CALCR: variants seen among roughly 807,000 people sequenced by gnomAD.
CALCR encodes calcitonin receptor.
A neutral mutation model predicts 59.5 loss-of-function variants in CALCR; 47 were observed. The observed-to-expected ratio is 0.79, with a 90% CI of 0.63 to 1.01. CALCR has a LOEUF of 1.01. Among genes scored for constraint, CALCR ranks in the 50% least tolerant of loss-of-function variants. CALCR has a pLI of 0.00. For missense variants in CALCR, 566 were observed against 597.1 expected (o/e 0.95, Z 0.54); for synonymous variants, 213 against 211.3 (o/e 1.01, Z -0.07).
chr7:93,542,943 T>C (rs1220389886), intron 2 of CALCR, among the ~76,000 whole-genome samples: 1 of 145,590 alleles, frequency 6.9e-6, no homozygotes, highest in Non-Finnish European at 1.5e-5. Context: ...CTGCCTGAGA[T>C]GGTTTTGCAG....
intron 2 of CALCR, among the ~76,000 whole-genome samples, chr7:93,509,997 A>G (rs538705289): frequency 1.3e-5 from 2 of 149,274 alleles, no homozygotes; most frequent in East Asian, 4.3e-4. Flanking sequence ...TTTAGAAGGG[A>G]TTTTTCAGAG....
chr7:93,483,472 GATAT>G (rs2115911861), intron 3 of CALCR, among the ~76,000 whole-genome samples: 1 of 147,984 alleles, frequency 6.8e-6, no homozygotes, highest in South Asian at 2.2e-4. Flanking sequence ...CAGATAGATA[GATAT>G]AAACATATAA....
At chr7:93,517,317 A>ACTTTTTTTTTTTT (rs1191258842) in intron 2 of CALCR, among the ~76,000 whole-genome samples, 2 of 127,812 alleles carry the variant, frequency 1.6e-5, no homozygotes, top group African/African-American at 4.0e-5. Flanking sequence ...TTTTTTTTTA[A>ACTTTTTTTTTTTT]TTTGCTAGCC....
At position 93,462,173 on chromosome 7, in the gene CALCR, T is replaced by C. The variant is rs3802052; in HGVS notation, c.522-1226A>G. ...TTAGAGCATATTTTAACTATTATAG[T>C]TACAGTTTTCAACTTTTCGGGAAGC... On this transcript the variant is annotated intron_variant, in intron 7 of 13. Transcript: ENST00000426151. 0.46 allele frequency: 392,774 copies of C among 848,276 alleles called. 93,651 individuals are homozygous for C. The highest frequency in any genetic ancestry group is 0.56 in the Middle Eastern group (2,194 of 3,906). The allele number at this position is 848,276 out of a possible 1,614,324, so 52.5% of individuals were successfully genotyped here.
chr7:93,505,683 A>G (rs1544363), intron 2 of CALCR, among the ~76,000 whole-genome samples: 19,233 of 152,154 alleles, frequency 0.13, 2,649 homozygotes, highest in African/African-American at 0.33. Context: ...TAGATAAGCC[A>G]TGTCTACAAA....
chr7:93,433,620 T>C (rs574026316), intron 13 of CALCR, among the ~76,000 whole-genome samples: 1 of 152,206 alleles, frequency 6.6e-6, no homozygotes, highest in Non-Finnish European at 1.5e-5. Flanking sequence ...TGGAAGGATG[T>C]CTGGAGCTAT....
chr7:93,506,212 T>G (rs1284887315), intron 2 of CALCR, among the ~76,000 whole-genome samples: 1 of 152,172 alleles, frequency 6.6e-6, no homozygotes, highest in Non-Finnish European at 1.5e-5. Flanking sequence ...CAGAAAATGA[T>G]GCCGCTTCAC....
chr7:93,553,332 T>A (rs1789514308), intron 2 of CALCR, among the ~76,000 whole-genome samples: 1 of 152,112 alleles, frequency 6.6e-6, no homozygotes, highest in Non-Finnish European at 1.5e-5. Context: ...AGCTGGGAGA[T>A]CCTGAGGAGG....
chr7:93,552,546 AC>A (rs1235656494), intron 2 of CALCR, among the ~76,000 whole-genome samples: 1 of 152,152 alleles, frequency 6.6e-6, no homozygotes, highest in East Asian at 1.9e-4. Flanking sequence ...TTTATTCAGC[AC>A]CGTCTTTACA....
chr7:93,511,345 A>T (rs188886670), intron 2 of CALCR, among the ~76,000 whole-genome samples: 46 of 152,230 alleles, frequency 3.0e-4, no homozygotes, highest in African/African-American at 1.1e-3. Flanking sequence ...TATGTCATAT[A>T]TATTTCATAA....
chr7:93,447,508 G>A (rs1354902052), intron 8 of CALCR, among the ~76,000 whole-genome samples: 1 of 151,924 alleles, frequency 6.6e-6, no homozygotes, highest in African/African-American at 2.4e-5. Context: ...GTGTTTTTCT[G>A]TTGTGGTGGG....
In CALCR at chr7:93,468,697, TG is replaced by T; in HGVS notation, c.521+17del. On this transcript the variant is annotated intron_variant, in intron 7 of 13. Coordinates refer to ENST00000426151, the MANE Select transcript of CALCR (RefSeq NM_001742.4). Reference sequence around the variant, plus strand: ...CTTAAAGGAGGAAATAAAGAGCAGATGCTGTGAGTGTACTTACCTGAAAAAC... The same window carrying T: ...CTTAAAGGAGGAAATAAAGAGCAGATCTGTGAGTGTACTTACCTGAAAAAC... 6.6e-7 allele frequency: 1 copy of T among 1,524,642 alleles called. No individual in the cohort carries two copies. The highest frequency in any genetic ancestry group is 9.1e-7 in the Non-Finnish European group (1 of 1,100,884). 94.4% of individuals were successfully genotyped at this position (1,524,642 alleles called of 1,614,324 possible). A position where few individuals can be genotyped will look rare whatever the true frequency, so the allele number is the denominator to read the frequency against.
intron 2 of CALCR, among the ~76,000 whole-genome samples, chr7:93,512,961 G>C (rs751489424): frequency 7.2e-5 from 11 of 152,118 alleles, no homozygotes; most frequent in South Asian, 4.1e-4. Context: ...AGACAGTAAA[G>C]CCTGTTATAT....
intron 3 of CALCR, among the ~76,000 whole-genome samples, chr7:93,483,431 A>AGATG (rs1365757437): frequency 2.2e-3 from 302 of 137,914 alleles, no homozygotes; most frequent in Non-Finnish European, 3.2e-3. Flanking sequence ...ATAGATAGAT[A>AGATG]GATAGATAGA....
intron 2 of CALCR, among the ~76,000 whole-genome samples, chr7:93,537,963 C>T (rs1789036328): frequency 6.6e-6 from 1 of 151,496 alleles, no homozygotes; most frequent in Admixed American, 6.6e-5. Flanking sequence ...TTAAATAAAA[C>T]ATTTATCATA....
intron 8 of CALCR, among the ~76,000 whole-genome samples, chr7:93,447,173 T>C (rs183202560): frequency 2.0e-4 from 30 of 152,100 alleles, no homozygotes; most frequent in Non-Finnish European, 3.8e-4. Flanking sequence ...ATCTATCTTT[T>C]CCACAAAATG....
intron 2 of CALCR, among the ~76,000 whole-genome samples, chr7:93,531,431 G>A (rs1248212948): frequency 6.6e-6 from 1 of 152,026 alleles, no homozygotes; most frequent in Non-Finnish European, 1.5e-5. Flanking sequence ...TGTGACTTCA[G>A]AAATGTATCC....
At chr7:93,564,465 A>ATTTTT (rs1789814940) in intron 2 of CALCR, among the ~76,000 whole-genome samples, 1 of 152,132 alleles carries the variant, frequency 6.6e-6, no homozygotes, top group African/African-American at 2.4e-5. Context: ...ACTTTTAAAA[A>ATTTTT]AAAAAAAATG....
chr7:93,553,177 A>C (rs764798515), intron 2 of CALCR, among the ~76,000 whole-genome samples: 19 of 152,296 alleles, frequency 1.2e-4, no homozygotes, highest in Admixed American at 2.6e-4. Context: ...CATGGTGGAG[A>C]TATTTCACTG....
Sources: gnomAD v4.1 joint callset for allele counts (sites outside exome capture counted in the v4.1 genomes callset) on GRCh38, gnomAD v4.1.1 for gene constraint, MANE v1.5 for transcripts, NCBI Gene and HGNC (gene_info 2026-07-23, HGNC 2026-07-21) for gene names.